SGK1: variants seen among roughly 807,000 people sequenced by gnomAD.
SGK1 encodes serine/threonine-protein kinase Sgk1.
In SGK1, 26 loss-of-function variants were observed where a neutral mutation model predicts 64.2. That is an observed-to-expected ratio of 0.40 (90% CI 0.30 to 0.56). The LOEUF (loss-of-function observed/expected upper bound fraction) is 0.56, where lower values mean the gene tolerates loss of function less well. Among genes scored for constraint, SGK1 ranks in the 20% least tolerant of loss-of-function variants. SGK1 has a pLI of 0.38. For synonymous variants in SGK1, 265 were observed against 239.7 expected (o/e 1.11, Z -0.98); for missense variants, 519 against 645.6 (o/e 0.80, Z 2.12).
chr6:134,174,671 T>A (rs753628043), intron 3 of SGK1, 85 bp from the exon 4 acceptor site: 1 of 1,611,502 alleles, frequency 6.2e-7, no homozygotes, highest in South Asian at 1.1e-5. Flanking sequence ...ATCCGGGACT[T>A]TCAAAAAATT....
chr6:134,267,382 A>G (rs1474917720), intron 1 of SGK1, among the ~76,000 whole-genome samples: 2 of 152,050 alleles, frequency 1.3e-5, no homozygotes, highest in South Asian at 2.1e-4. Context: ...ACTTCAACCA[A>G]GAGCTCCTAG....
At chr6:134,270,015 G>A (rs199597336) in intron 1 of SGK1, among the ~76,000 whole-genome samples, 5 of 147,326 alleles carry the variant, frequency 3.4e-5, no homozygotes, top group African/African-American at 1.2e-4. Flanking sequence ...TCCGCCTCCC[G>A]GGTTCAAGCA....
chr6:134,200,830 G>A (rs532472053), intron 3 of SGK1, among the ~76,000 whole-genome samples: 2 of 152,142 alleles, frequency 1.3e-5, no homozygotes, highest in Non-Finnish European at 2.9e-5. Context: ...CTTGAGCCCA[G>A]TAGGCTGAGG....
At chr6:134,230,147 A>AC (rs1776254162) in intron 2 of SGK1, among the ~76,000 whole-genome samples, 1 of 152,128 alleles carries the variant, frequency 6.6e-6, no homozygotes, top group Admixed American at 6.6e-5. Flanking sequence ...GTTAGGCTTT[A>AC]CCCCTTGATG....
rs189476009 is a variant in SGK1, at chr6:134,193,985, C to G, written c.361+13371G>C. ...CTTGGACAGGAGTCCGTCCCATCCT[C>G]AAGGCACACTCACACTCACACCCAC... is the stretch of plus-strand genomic sequence containing the variant. On this transcript the variant is annotated intron_variant, in intron 3 of 13. Coordinates refer to ENST00000367858, the MANE Select transcript of SGK1 (RefSeq NM_001143676.3). Among the ~76,000 whole-genome samples the G allele has an allele frequency of 2.9e-3, 444 of 152,038 alleles. 4 individuals are homozygous for G. Among genetic ancestry groups the G allele is most frequent in the African/African-American group, 0.01 (427 of 41,460 alleles).
At chr6:134,212,792 G>T (rs1424104881) in intron 2 of SGK1, among the ~76,000 whole-genome samples, 1 of 152,124 alleles carries the variant, frequency 6.6e-6, no homozygotes, top group Non-Finnish European at 1.5e-5. Flanking sequence ...AGTTTTAATT[G>T]ATTTTCTACA....
At chr6:134,283,873 CAAAAAAAAAAAAAA>C (rs35999916) in intron 1 of SGK1, among the ~76,000 whole-genome samples, 9 of 26,154 alleles carry the variant, frequency 3.4e-4, no homozygotes, top group Admixed American at 7.0e-4. Context: ...CTGCCACCAC[CAAAAAAAAAAAAAA>C]AAAAAAAAAA....
intron 2 of SGK1, among the ~76,000 whole-genome samples, chr6:134,237,944 T>A (rs1163760158): frequency 6.6e-6 from 1 of 152,214 alleles, no homozygotes; most frequent in Non-Finnish European, 1.5e-5. Context: ...ATAATTCATA[T>A]GAGTCACAAA....
At chr6:134,211,635 C>T (rs1231027055) in intron 2 of SGK1, 1 of 151,848 alleles carries the variant, frequency 6.6e-6, no homozygotes, top group Non-Finnish European at 1.5e-5. Context: ...AAATCATCCA[C>T]CCAGTGAAAG....
chr6:134,173,095 C>G lies in SGK1; in HGVS notation c.762G>C (p.Leu254=). Residue 254 remains leucine, a synonymous_variant, in exon 8 of 14, where the codon CTG becomes CTC. Coordinates refer to ENST00000367858, the MANE Select transcript of SGK1 (RefSeq NM_001143676.3). ...VLLKNVKHPF[L]VGLHFSFQTA... ...TCTGGAAAGAGAAGTGAAGGCCCAC[C>G]AGGAAAGGGTGCTTCACATTCTTCA... The G allele has an allele frequency of 6.2e-7, 1 of 1,614,012 alleles. No homozygotes were observed. The highest frequency in any genetic ancestry group is 8.5e-7 in the Non-Finnish European group (1 of 1,179,858).
intron 2 of SGK1, among the ~76,000 whole-genome samples, chr6:134,258,412 T>TA (rs547026377): frequency 1.3e-3 from 194 of 151,862 alleles, no homozygotes; most frequent in African/African-American, 4.2e-3. Context: ...ATAATAATAA[T>TA]AAAAAAAACC....
chr6:134,313,256 A>T (rs1039817734), intron 1 of SGK1, among the ~76,000 whole-genome samples: 1 of 152,152 alleles, frequency 6.6e-6, no homozygotes, highest in African/African-American at 2.4e-5. Context: ...GGTGGCTCAC[A>T]CCTGAAATGT....
chr6:134,272,181 C>T lies in SGK1; in HGVS notation c.70-10033G>A, dbSNP rs1002227585. The stretch of plus-strand genomic sequence containing the variant: ...CTTGAGACGGACTCTTGCTCTGTTG[C>T]CCAGGCTGGAGTGCAGTAGTATGAT... On this transcript the variant is annotated intron_variant, in intron 1 of 13. Transcript: ENST00000367858. 1.1e-4 allele frequency among the ~76,000 whole-genome samples: 15 copies of T among 140,686 alleles called. 1 individual carries two copies. The highest frequency in any genetic ancestry group is 2.2e-4 in the Non-Finnish European group (14 of 64,640). 92.3% of individuals were successfully genotyped at this position (140,686 alleles called of 152,430 possible).
At chr6:134,294,703 A>C (rs1347699511) in intron 1 of SGK1, among the ~76,000 whole-genome samples, 2 of 151,882 alleles carry the variant, frequency 1.3e-5, no homozygotes, top group Non-Finnish European at 2.9e-5. Flanking sequence ...CCAACCAGCT[A>C]ATTTTTGTAT....
chr6:134,205,851 A>G (rs963701386), intron 3 of SGK1, among the ~76,000 whole-genome samples: 8 of 152,176 alleles, frequency 5.3e-5, no homozygotes, highest in African/African-American at 1.9e-4. Context: ...GACCTATTTC[A>G]TTAGAAAAGG....
intron 1 of SGK1, among the ~76,000 whole-genome samples, chr6:134,292,465 C>T (rs7754137): frequency 0.12 from 18,200 of 152,020 alleles, 1,276 homozygotes; most frequent in African/African-American, 0.19. Context: ...TGGTGGCTGG[C>T]GCCTGTAATC....
At chr6:134,256,794 C>T (rs1776691497) in intron 2 of SGK1, among the ~76,000 whole-genome samples, 1 of 152,076 alleles carries the variant, frequency 6.6e-6, no homozygotes, top group African/African-American at 2.4e-5. Context: ...TCAGACAGCA[C>T]TCCTCGGGAT....
rs1017041752 is a variant in SGK1, at chr6:134,269,321, G to A, written c.70-7173C>T. On this transcript the variant is annotated intron_variant, in intron 1 of 13. Coordinates refer to ENST00000367858, the MANE Select transcript of SGK1 (RefSeq NM_001143676.3). ...AGAGAACTGACTTTGCTTACTTGAC[G>A]CCTCAATAACTTTCAATTTCGAGAG... 6.8e-5 allele frequency among the ~76,000 whole-genome samples: 10 copies of A among 146,148 alleles called. 1 individual carries two copies. The East Asian group carries it at 1.2e-3, about 18-fold the overall frequency.
At chr6:134,292,650 T>G (rs17063606) in intron 1 of SGK1, among the ~76,000 whole-genome samples, 10,995 of 152,228 alleles carry the variant, frequency 0.072, 471 homozygotes, top group African/African-American at 0.11. Context: ...GGAATTATTT[T>G]ACAAACATTA....
Sources: allele counts gnomAD v4.1 joint callset (sites outside exome capture counted in the v4.1 genomes callset), GRCh38; gene constraint gnomAD v4.1.1; transcripts MANE v1.5; gene names NCBI Gene and HGNC (gene_info 2026-07-23, HGNC 2026-07-21).